AGBL4: variants seen among roughly 807,000 people sequenced by gnomAD.
AGBL4 encodes cytosolic carboxypeptidase 6.
In AGBL4, 58 loss-of-function variants were observed where a neutral mutation model predicts 66.4. The observed-to-expected ratio is 0.87, with a 90% CI of 0.71 to 1.09. AGBL4 has a LOEUF of 1.09. AGBL4 is among the 50% of genes least tolerant of loss of function. The probability of loss-of-function intolerance (pLI) is 0.00; values close to 1 mark genes in which losing one functional copy is unlikely to be tolerated. For missense variants in AGBL4, 579 were observed against 631.0 expected (o/e 0.92, Z 0.88); for synonymous variants, 234 against 222.9 (o/e 1.05, Z -0.44).
At position 49,324,120 on chromosome 1, in the gene AGBL4, C is replaced by T. The variant is rs192704563; in HGVS notation, c.283-78256G>A. Among the ~76,000 whole-genome samples the T allele has an allele frequency of 5.5e-3, 842 of 152,296 alleles. 8 individuals are homozygous for T. Among genetic ancestry groups the T allele is most frequent in the Non-Finnish European group, 6.9e-3 (470 of 68,034 alleles). On this transcript the variant is annotated intron_variant, in intron 3 of 13. Transcript: ENST00000371839. ...TTCTTATCCTGAATTTCTATATGGT[C>T]CAAACATCACAACCTATTGTCAATT...
intron 2 of AGBL4, among the ~76,000 whole-genome samples, chr1:49,847,609 C>A (rs199711005): frequency 6.6e-6 from 1 of 151,830 alleles, no homozygotes; most frequent in African/African-American, 2.4e-5. Flanking sequence ...GGAACTCAAA[C>A]AACAACCACA....
intron 2 of AGBL4, among the ~76,000 whole-genome samples, chr1:49,746,273 T>C (rs1650978191): frequency 6.6e-6 from 1 of 151,992 alleles, no homozygotes; most frequent in African/African-American, 2.4e-5. Context: ...GCTTTCTGAA[T>C]TCATTACAGA....
intron 4 of AGBL4, among the ~76,000 whole-genome samples, chr1:49,090,620 A>C (rs553105884): frequency 3.9e-5 from 6 of 152,330 alleles, no homozygotes; most frequent in African/African-American, 1.2e-4. Flanking sequence ...TTCCATGCTC[A>C]TGGATAGGAA....
intron 3 of AGBL4, among the ~76,000 whole-genome samples, chr1:49,295,323 G>A (rs1483644038): frequency 6.6e-6 from 1 of 152,188 alleles, no homozygotes; most frequent in Non-Finnish European, 1.5e-5. Context: ...ATGGCAGAGT[G>A]ACAAAGTGGA....
At chr1:49,114,483 T>C (rs1314477446) in intron 4 of AGBL4, among the ~76,000 whole-genome samples, 5 of 152,210 alleles carry the variant, frequency 3.3e-5, no homozygotes, top group African/African-American at 1.2e-4. Context: ...TGTTTTGCTT[T>C]CTTATGATTT....
At chr1:48,967,103 T>C (rs148925590) in intron 5 of AGBL4, among the ~76,000 whole-genome samples, 19 of 152,146 alleles carry the variant, frequency 1.2e-4, no homozygotes, top group African/African-American at 4.6e-4. Flanking sequence ...GGCAGAGTTT[T>C]CTAATAATTA....
chr1:49,467,633 T>A (rs1419190778), intron 3 of AGBL4, among the ~76,000 whole-genome samples: 2 of 151,896 alleles, frequency 1.3e-5, no homozygotes, highest in South Asian at 2.1e-4. Context: ...TCTGTGTAAG[T>A]ACATTACATT....
chr1:49,083,992 C>T (rs1423501564), intron 4 of AGBL4, among the ~76,000 whole-genome samples: 1 of 152,214 alleles, frequency 6.6e-6, no homozygotes, highest in Non-Finnish European at 1.5e-5. Context: ...TAAAGCATAA[C>T]AAGAGTCACC....
intron 5 of AGBL4, among the ~76,000 whole-genome samples, chr1:48,898,643 A>C (rs568099878): frequency 1.6e-5 from 1 of 62,660 alleles, no homozygotes; most frequent in South Asian, 8.9e-4. Context: ...TCATTGGTCT[A>C]TGTGCTTATT....
At chr1:49,890,440 C>T (rs752299738) in intron 1 of AGBL4, among the ~76,000 whole-genome samples, 89 of 151,984 alleles carry the variant, frequency 5.9e-4, no homozygotes, top group Non-Finnish European at 1.1e-3. Context: ...CATTGTTCTA[C>T]GCATTTGTTA....
intron 3 of AGBL4, among the ~76,000 whole-genome samples, chr1:49,634,378 G>C (rs763964473): frequency 8.2e-4 from 125 of 152,058 alleles, no homozygotes; most frequent in Non-Finnish European, 1.3e-3. Context: ...CCATGTCCCT[G>C]CAAAGGAAAT....
Position 49,718,682 on chromosome 1 carries a change from T to C in AGBL4, c.158-21245A>G, listed in dbSNP as rs1411454828. Among the ~76,000 whole-genome samples, 6 of 152,204 alleles carry C rather than the reference T, an allele frequency of 3.9e-5. No individual in the cohort carries two copies. The South Asian group carries it at 1.2e-3, about 32-fold the overall frequency. On this transcript the variant is annotated intron_variant, in intron 2 of 13. Transcript: ENST00000371839. ...AATTCTTGTCATTTAAATGTTGGCT[T>C]ATTTTCTATTAAACTTATATTATAA...
At chr1:48,913,730 G>C (rs1417729413) in intron 5 of AGBL4, among the ~76,000 whole-genome samples, 3 of 152,178 alleles carry the variant, frequency 2.0e-5, no homozygotes, top group Non-Finnish European at 4.4e-5. Context: ...AATATTAATA[G>C]AAATAAAGTG....
At chr1:48,810,998 C>G (rs779150894) in intron 6 of AGBL4, among the ~76,000 whole-genome samples, 1 of 152,124 alleles carries the variant, frequency 6.6e-6, no homozygotes, top group Non-Finnish European at 1.5e-5. Context: ...ACTGATCCTG[C>G]GTGGAGGCCT....
At chr1:49,625,140 A>C (rs1243739587) in intron 3 of AGBL4, among the ~76,000 whole-genome samples, 3 of 152,252 alleles carry the variant, frequency 2.0e-5, no homozygotes, top group Middle Eastern at 3.4e-3. Context: ...TTGTTCCCTA[A>C]ACTACTATGG....
intron 3 of AGBL4, among the ~76,000 whole-genome samples, chr1:49,634,803 A>G (rs913237138): frequency 5.3e-5 from 8 of 152,180 alleles, no homozygotes; most frequent in African/African-American, 1.9e-4. Context: ...GGTTCTAGTA[A>G]GATAAATTTC....
chr1:49,639,690 T>C lies in AGBL4; in HGVS notation c.282+57623A>G, dbSNP rs79154064. On this transcript the variant is annotated intron_variant, in intron 3 of 13. Transcript: ENST00000371839. ...AAACAAAAATAAGAAAGCCTCTGCA[T>C]TCACAGTGTAGTAGAATAAGAGAAC... Among the ~76,000 whole-genome samples, 947 of 152,284 alleles carry C rather than the reference T, an allele frequency of 6.2e-3. 5 individuals carry two copies. Among genetic ancestry groups the C allele is most frequent in the Middle Eastern group, 0.031 (9 of 294 alleles).
chr1:49,966,490 G>T (rs1182574530), intron 1 of AGBL4, among the ~76,000 whole-genome samples: 3 of 152,088 alleles, frequency 2.0e-5, no homozygotes, highest in African/African-American at 7.2e-5. Flanking sequence ...TGCTGCTGCT[G>T]AAAACTCAAA....
intron 4 of AGBL4, among the ~76,000 whole-genome samples, chr1:49,214,442 T>C (rs1185538153): frequency 2.0e-5 from 3 of 152,256 alleles, no homozygotes; most frequent in Middle Eastern, 3.4e-3. Context: ...ACCAGTTCTT[T>C]CACGGCAGTA....
Sources: gnomAD v4.1 joint callset for allele counts (sites outside exome capture counted in the v4.1 genomes callset) on GRCh38, gnomAD v4.1.1 for gene constraint, MANE v1.5 for transcripts, NCBI Gene and HGNC (gene_info 2026-07-23, HGNC 2026-07-21) for gene names.